ANKFN1: variants seen among roughly 807,000 people sequenced by gnomAD.
ANKFN1 encodes the protein ankyrin repeat and fibronectin type-III domain-containing protein 1.
ANKFN1 carries 74 observed loss-of-function variants against 108.7 expected under a neutral mutation model. The ratio of observed to expected loss-of-function variants is 0.68; its 90% confidence interval spans 0.56 to 0.83. The LOEUF (loss-of-function observed/expected upper bound fraction) is 0.83, where lower values mean the gene tolerates loss of function less well. Ranked by LOEUF, ANKFN1 falls within the 40% of genes least tolerant of loss-of-function variation. The pLI is 0.00. For missense variants in ANKFN1, 1,505 were observed against 1,382.3 expected (o/e 1.09, Z -1.41); for synonymous variants, 547 against 516.2 (o/e 1.06, Z -0.81).
chr17:56,179,451 C>T (rs1159069891), intron 1 of ANKFN1, among the ~76,000 whole-genome samples: 1 of 152,120 alleles, frequency 6.6e-6, no homozygotes, highest in African/African-American at 2.4e-5. Context: ...CTCCAGACAA[C>T]TTGAAGAACG....
chr17:56,306,264 A>G (rs929177723), intron 3 of ANKFN1, among the ~76,000 whole-genome samples: 1 of 152,224 alleles, frequency 6.6e-6, no homozygotes, highest in African/African-American at 2.4e-5. Flanking sequence ...CATCTTTACT[A>G]TGTTGAATCT....
intron 6 of ANKFN1, among the ~76,000 whole-genome samples, chr17:56,366,778 G>A (rs1013000107): frequency 2.0e-5 from 3 of 152,200 alleles, no homozygotes; most frequent in Admixed American, 2.0e-4. Flanking sequence ...CTAGATTTGT[G>A]TAAGTATACT....
intron 8 of ANKFN1, among the ~76,000 whole-genome samples, chr17:56,417,673 T>G (rs190559222): frequency 1.3e-5 from 2 of 152,348 alleles, no homozygotes; most frequent in East Asian, 3.9e-4. Flanking sequence ...CAGGAGTCTT[T>G]CAACTGGATT....
chr17:56,471,804 G>T lies in ANKFN1; in HGVS notation c.1773+5233G>T, dbSNP rs188376810. On this transcript the variant is annotated intron_variant, in intron 15 of 20. Transcript: ENST00000682825. ...AGCCAGACACAAAGTGCTAAATGTT[G>T]TATGATTCCACTTATATGCTATGCC... is the stretch of plus-strand genomic sequence containing the variant. The T allele has an allele frequency of 1.1e-4, 17 of 152,338 alleles. No individual in the cohort carries two copies. In the East Asian group the frequency reaches 2.5e-3, roughly 22 times the overall value. 9.4% of individuals were successfully genotyped at this position (152,338 alleles called of 1,614,324 possible). A position where few individuals can be genotyped will look rare whatever the true frequency, so the allele number is the denominator to read the frequency against.
rs547913210 is a variant in ANKFN1, at chr17:56,304,140, T to A, written c.54-22081T>A. On this transcript the variant is annotated intron_variant, in intron 3 of 20. Coordinates refer to ENST00000682825, the MANE Select transcript of ANKFN1 (RefSeq NM_001370326.1). ...AATCCTTTAACTTGCCATTTTATGA[T>A]CACACCCACTTCCCTCCTGCCCCTA... Among the ~76,000 whole-genome samples the A allele has an allele frequency of 3.4e-3, 514 of 152,254 alleles. 4 individuals carry two copies. Among genetic ancestry groups the A allele is most frequent in the Non-Finnish European group, 4.9e-3 (333 of 68,016 alleles).
chr17:56,281,359 A>AG (rs1461915458), intron 3 of ANKFN1, among the ~76,000 whole-genome samples: 1 of 152,202 alleles, frequency 6.6e-6, no homozygotes. Flanking sequence ...CATAATTTGA[A>AG]GGGAAAAAAA....
At chr17:56,305,492 A>G (rs1199226153) in intron 3 of ANKFN1, among the ~76,000 whole-genome samples, 1 of 151,994 alleles carries the variant, frequency 6.6e-6, no homozygotes, top group Non-Finnish European at 1.5e-5. Context: ...TCTCATTGGC[A>G]TATTTGGTTT....
At chr17:56,145,211 T>C (rs1908186415) in intron 4 of ANKFN1, among the ~76,000 whole-genome samples, 1 of 152,184 alleles carries the variant, frequency 6.6e-6, no homozygotes, top group Non-Finnish European at 1.5e-5. Flanking sequence ...ATGGAATGGG[T>C]ACAAAAGAAA....
In ANKFN1 at chr17:56,401,325, AGTATTGTATT is replaced by A. The variant is rs1176791583; in HGVS notation, c.910+26649_910+26658del. Among the ~76,000 whole-genome samples the A allele has an allele frequency of 2.1e-3, 295 of 143,524 alleles. 2 individuals carry two copies. The highest frequency in any genetic ancestry group is 7.3e-3 in the African/African-American group (274 of 37,382). 94.2% of individuals were successfully genotyped at this position (143,524 alleles called of 152,430 possible). On this transcript the variant is annotated intron_variant, in intron 8 of 20. Coordinates refer to ENST00000682825, the MANE Select transcript of ANKFN1 (RefSeq NM_001370326.1). ...GACTCCTTTGTTAGGTACATTCCGA[AGTATTGTATT>A]GTATTGTATTGTATTGTATTGTATT... is the stretch of plus-strand genomic sequence containing the variant.
chr17:56,247,537 A>G (rs1351333716), intron 3 of ANKFN1, among the ~76,000 whole-genome samples: 1 of 152,212 alleles, frequency 6.6e-6, no homozygotes, highest in Non-Finnish European at 1.5e-5. Context: ...GGTGCCAGGC[A>G]TTAAAATGAG....
At chr17:56,246,716 T>C (rs558996841) in intron 3 of ANKFN1, among the ~76,000 whole-genome samples, 1 of 152,080 alleles carries the variant, frequency 6.6e-6, no homozygotes, top group Non-Finnish European at 1.5e-5. Flanking sequence ...ACAAAGAAAC[T>C]TCACATTTTC....
At chr17:56,313,164 AG>A (rs1200667830) in intron 3 of ANKFN1, among the ~76,000 whole-genome samples, 4 of 149,998 alleles carry the variant, frequency 2.7e-5, no homozygotes, top group African/African-American at 7.5e-5. Context: ...AAAAAAAAAA[AG>A]AAAAAAAAAC....
At chr17:56,416,856 A>T (rs955365421) in intron 8 of ANKFN1, among the ~76,000 whole-genome samples, 1 of 152,220 alleles carries the variant, frequency 6.6e-6, no homozygotes, top group Admixed American at 6.5e-5. Context: ...ACATTTACAC[A>T]GTGGAGTACT....
intron 4 of ANKFN1, among the ~76,000 whole-genome samples, chr17:56,092,174 A>G (rs901602800): frequency 6.6e-6 from 1 of 150,878 alleles, no homozygotes; most frequent in African/African-American, 2.4e-5. Flanking sequence ...CTATATAGAG[A>G]CCCATCTGCC....
At chr17:56,278,938 AT>A (rs914900042) in intron 3 of ANKFN1, among the ~76,000 whole-genome samples, 39 of 150,570 alleles carry the variant, frequency 2.6e-4, no homozygotes, top group South Asian at 8.4e-4. Context: ...TTTAGTGTGG[AT>A]TTTTTTTTTA....
intron 8 of ANKFN1, among the ~76,000 whole-genome samples, chr17:56,380,437 G>T (rs1440348083): frequency 6.6e-6 from 1 of 152,128 alleles, no homozygotes; most frequent in Non-Finnish European, 1.5e-5. Flanking sequence ...GTGGGCGCAG[G>T]ACAGTGGGTG....
chr17:56,387,634 G>A (rs1213711831), intron 8 of ANKFN1, among the ~76,000 whole-genome samples: 1 of 152,242 alleles, frequency 6.6e-6, no homozygotes, highest in East Asian at 1.9e-4. Flanking sequence ...ACTCCATTAG[G>A]TTATAAAGTA....
chr17:56,075,264 T>C (rs542576114), intron 4 of ANKFN1, among the ~76,000 whole-genome samples: 1 of 152,352 alleles, frequency 6.6e-6, no homozygotes, highest in East Asian at 1.9e-4. Context: ...AGCTTCATTT[T>C]CCTTCTCTGT....
chr17:56,410,465 T>A (rs1233824257), intron 8 of ANKFN1, among the ~76,000 whole-genome samples: 1 of 152,232 alleles, frequency 6.6e-6, no homozygotes, highest in Non-Finnish European at 1.5e-5. Context: ...GATCTATGTA[T>A]ACATTGTAGA....
Sources: allele counts gnomAD v4.1 joint callset (sites outside exome capture counted in the v4.1 genomes callset), GRCh38; gene constraint gnomAD v4.1.1; transcripts MANE v1.5; gene names NCBI Gene and HGNC (gene_info 2026-07-23, HGNC 2026-07-21).